CSMD1: variants seen among roughly 807,000 people sequenced by gnomAD.
CSMD1 encodes CUB and sushi domain-containing protein 1.
CSMD1 carries 213 observed loss-of-function variants against 417.5 expected under a neutral mutation model. The observed-to-expected ratio is 0.51, with a 90% CI of 0.46 to 0.57. The LOEUF is 0.57. Among genes scored for constraint, CSMD1 ranks in the 20% least tolerant of loss-of-function variants. The pLI, the probability that CSMD1 is intolerant of heterozygous loss-of-function variation, is 0.00. For missense variants in CSMD1, 6,923 were observed against 4,529.7 expected (o/e 1.53, Z -15.17); for synonymous variants, 2,862 against 1,736.8 (o/e 1.65, Z -16.11).
chr8:3,920,209 A>AT (rs1294263979), intron 5 of CSMD1, among the ~76,000 whole-genome samples: 1 of 151,746 alleles, frequency 6.6e-6, no homozygotes. Context: ...AACTTTTCAT[A>AT]TTTTTAGTAA....
chr8:3,725,099 G>C (rs1802407227), intron 6 of CSMD1, among the ~76,000 whole-genome samples: 1 of 152,226 alleles, frequency 6.6e-6, no homozygotes, highest in African/African-American at 2.4e-5. Flanking sequence ...TAGCGGTTTG[G>C]AAGGTGAGTT....
At chr8:4,743,695 T>C (rs1047296894) in intron 1 of CSMD1, among the ~76,000 whole-genome samples, 5 of 152,230 alleles carry the variant, frequency 3.3e-5, no homozygotes, top group Admixed American at 3.3e-4. Flanking sequence ...TTTCTTCTGC[T>C]CTAACCACTT....
At chr8:4,171,288 G>A (rs186682660) in intron 3 of CSMD1, among the ~76,000 whole-genome samples, 6 of 151,842 alleles carry the variant, frequency 4.0e-5, no homozygotes, top group Admixed American at 3.3e-4. Flanking sequence ...GGCATTTATT[G>A]TAAGCAACCC....
At chr8:4,465,765 T>G (rs1436490598) in intron 2 of CSMD1, among the ~76,000 whole-genome samples, 3 of 152,180 alleles carry the variant, frequency 2.0e-5, no homozygotes, top group African/African-American at 4.8e-5. Context: ...TCTATTATTT[T>G]CTCACCTCTG....
chr8:4,343,691 C>T (rs1584930425), intron 3 of CSMD1, among the ~76,000 whole-genome samples: 1 of 152,048 alleles, frequency 6.6e-6, no homozygotes, highest in South Asian at 2.1e-4. Flanking sequence ...ACCTTTGCAG[C>T]TTTTTCTTTT....
intron 1 of CSMD1, among the ~76,000 whole-genome samples, chr8:4,880,121 C>G (rs1275309399): frequency 2.6e-5 from 4 of 152,104 alleles, no homozygotes; most frequent in African/African-American, 7.3e-5. Context: ...CTAAGAAACT[C>G]TGCCACTTTC....
At chr8:4,793,859 C>T (rs1049021154) in intron 1 of CSMD1, among the ~76,000 whole-genome samples, 5 of 149,468 alleles carry the variant, frequency 3.3e-5, no homozygotes, top group African/African-American at 4.9e-5. Flanking sequence ...AAAAACTCCT[C>T]TGATTAAAAG....
At chr8:3,303,289 G>T (rs1804557031) in intron 25 of CSMD1, among the ~76,000 whole-genome samples, 1 of 152,074 alleles carries the variant, frequency 6.6e-6, no homozygotes, top group Non-Finnish European at 1.5e-5. Flanking sequence ...ACTGGGATCT[G>T]GAAGGTTGAT....
chr8:4,667,814 T>C (rs1261845177), intron 1 of CSMD1, among the ~76,000 whole-genome samples: 1 of 152,216 alleles, frequency 6.6e-6, no homozygotes, highest in Non-Finnish European at 1.5e-5. Context: ...AAGATAATCT[T>C]ATTTTATCCT....
chr8:3,763,172 C>T (rs191001912), intron 5 of CSMD1, among the ~76,000 whole-genome samples: 1 of 152,310 alleles, frequency 6.6e-6, no homozygotes, highest in Non-Finnish European at 1.5e-5. Context: ...CCCACACTCC[C>T]AGAGCCCTAG....
intron 3 of CSMD1, among the ~76,000 whole-genome samples, chr8:4,171,432 C>A (rs984773613): frequency 6.6e-6 from 1 of 151,824 alleles, no homozygotes; most frequent in Non-Finnish European, 1.5e-5. Flanking sequence ...GTAATACAAT[C>A]AATTTATGCA....
intron 3 of CSMD1, among the ~76,000 whole-genome samples, chr8:4,290,366 G>C (rs553957250): frequency 6.6e-6 from 1 of 152,318 alleles, no homozygotes; most frequent in African/African-American, 2.4e-5. Flanking sequence ...TGAATGGAGG[G>C]AGAGAAGCCC....
intron 2 of CSMD1, among the ~76,000 whole-genome samples, chr8:4,502,362 G>A (rs1040563058): frequency 6.6e-6 from 1 of 152,146 alleles, no homozygotes. Context: ...AGTCCCTACT[G>A]CAGTCTCTGG....
chr8:3,915,687 C>G (rs1221786520), intron 5 of CSMD1, among the ~76,000 whole-genome samples: 2 of 151,176 alleles, frequency 1.3e-5, no homozygotes, highest in Non-Finnish European at 2.9e-5. Flanking sequence ...TAATGTAGAA[C>G]TCTATCTCTG....
intron 3 of CSMD1, among the ~76,000 whole-genome samples, chr8:4,051,184 TGAGAATCTCTGC>T (rs1798405593): frequency 6.5e-5 from 1 of 15,308 alleles, no homozygotes; most frequent in African/African-American, 1.7e-4. Context: ...CAATCCCTGC[TGAGAATCTCTGC>T]TGAGAGCACA....
chr8:4,391,946 G>T (rs552524263), intron 3 of CSMD1, among the ~76,000 whole-genome samples: 3 of 152,282 alleles, frequency 2.0e-5, no homozygotes, highest in Admixed American at 2.0e-4. Flanking sequence ...TACTGAGATA[G>T]TCTCCTTGAG....
chr8:3,729,186 G>T (rs777430066), intron 6 of CSMD1, among the ~76,000 whole-genome samples: 1 of 152,054 alleles, frequency 6.6e-6, no homozygotes, highest in Admixed American at 6.6e-5. Flanking sequence ...TTACTGCCAC[G>T]CAATAAGCAA....
At chr8:4,262,185 C>A (rs554806627) in intron 3 of CSMD1, among the ~76,000 whole-genome samples, 332 of 152,278 alleles carry the variant, frequency 2.2e-3, no homozygotes, top group African/African-American at 7.6e-3. Context: ...GCTTTTGACT[C>A]TCTTGGGTGA....
rs1231865212 is a variant in CSMD1, at chr8:2,986,436, G to C, written c.8378-7636C>G. ...ACATATCAGATCAACCCCTAAGACT[G>C]TGTTTTCTCTACTCAGCAACACTCC... On this transcript the variant is annotated intron_variant, in intron 54 of 69. Coordinates refer to ENST00000635120, the MANE Select transcript of CSMD1 (RefSeq NM_033225.6). 2.6e-5 allele frequency among the ~76,000 whole-genome samples: 4 copies of C among 152,138 alleles called. No homozygotes were observed. In the South Asian group the frequency reaches 8.3e-4, roughly 32 times the overall value.
Sources: allele counts gnomAD v4.1 joint callset (sites outside exome capture counted in the v4.1 genomes callset), GRCh38; gene constraint gnomAD v4.1.1; transcripts MANE v1.5; gene names NCBI Gene and HGNC (gene_info 2026-07-23, HGNC 2026-07-21).